The following ARHGEF10 variants were observed in gnomAD, a reference collection of about 807,000 sequenced individuals.
The protein encoded by ARHGEF10 is Rho guanine nucleotide exchange factor (GEF) 10.
In ARHGEF10, 140 loss-of-function variants were observed where a neutral mutation model predicts 147.4. The observed-to-expected ratio is 0.95, with a 90% CI of 0.83 to 1.09. The LOEUF is 1.09. Ranked by LOEUF, ARHGEF10 falls within the 50% of genes least tolerant of loss-of-function variation. The pLI is 0.00. For missense variants in ARHGEF10, 2,222 were observed against 1,752.7 expected, an observed-to-expected ratio of 1.27 and a Z score of -4.78; for synonymous variants, 902 against 695.8, an observed-to-expected ratio of 1.30 and a Z score of -4.67.
intron 11 of ARHGEF10, 133 bp from the exon 12 acceptor site, chr8:1,893,436 A>G: frequency 1.5e-6 from 1 of 677,172 alleles, no homozygotes; most frequent in Non-Finnish European, 2.7e-6. Flanking sequence ...ATGTTATTTA[A>G]TTAGGCTACC....
intron 6 of ARHGEF10, among the ~76,000 whole-genome samples, chr8:1,866,853 A>G (rs1010322122): frequency 3.9e-5 from 6 of 152,136 alleles, no homozygotes; most frequent in Admixed American, 2.6e-4. Flanking sequence ...TCTTTCTAGC[A>G]CAGGCTTTAT....
chr8:1,831,836 T>G (rs1803130476), intron 1 of ARHGEF10, among the ~76,000 whole-genome samples: 1 of 152,226 alleles, frequency 6.6e-6, no homozygotes, highest in Admixed American at 6.5e-5. Flanking sequence ...CAGCTTTTTC[T>G]CATTCTCACC....
intron 26 of ARHGEF10, among the ~76,000 whole-genome samples, chr8:1,942,352 G>C (rs772439916): frequency 2.0e-5 from 3 of 151,572 alleles, no homozygotes; most frequent in Non-Finnish European, 2.9e-5. Flanking sequence ...AGGCACACGA[G>C]AAGATGGTCA....
intron 14 of ARHGEF10, among the ~76,000 whole-genome samples, chr8:1,897,359 G>A (rs1810063843): frequency 2.0e-5 from 3 of 152,066 alleles, no homozygotes; most frequent in Admixed American, 2.0e-4. Context: ...ACTCTGGACA[G>A]CTGTGAGCTC....
intron 22 of ARHGEF10, among the ~76,000 whole-genome samples, chr8:1,926,074 A>G (rs1056528302): frequency 2.0e-5 from 3 of 152,176 alleles, no homozygotes; most frequent in African/African-American, 7.2e-5. Context: ...GCTGTACTTG[A>G]TGCCTGCAGG....
At chr8:1,949,816 G>T (rs1814884897) in intron 27 of ARHGEF10, among the ~76,000 whole-genome samples, 1 of 148,230 alleles carries the variant, frequency 6.7e-6, no homozygotes, top group African/African-American at 2.5e-5. Context: ...TGGCCGGTGT[G>T]GCCCTGGCCT....
At position 1,882,473 on chromosome 8, in the gene ARHGEF10, T is replaced by A. The variant is rs1230875693; in HGVS notation, c.961-162T>A. ...TTTTTAAGGTCTGTTTTTTCCTTTT[T>A]TCCAACAAACAAAACCAAAACAAAA... On this transcript the variant is annotated intron_variant, in intron 9 of 28. Transcript: ENST00000349830. Among the ~76,000 whole-genome samples the A allele has an allele frequency of 2.6e-5, 4 of 152,296 alleles. No homozygotes were observed. The East Asian group carries it at 7.7e-4, about 29-fold the overall frequency.
chr8:1,887,781 G>A lies in ARHGEF10; in HGVS notation c.1182+2074G>A, dbSNP rs1808816447. 2.2e-5 allele frequency among the ~76,000 whole-genome samples: 3 copies of A among 134,614 alleles called. No individual in the cohort carries two copies. In the South Asian group the frequency reaches 7.8e-4, roughly 35 times the overall value. The allele number at this position is 134,614 out of a possible 152,430, so 88.3% of individuals were successfully genotyped here. A position where few individuals can be genotyped will look rare whatever the true frequency, so the allele number is the denominator to read the frequency against. ...CGGAGTGGGGTGAGGGTTGTGATGA[G>A]ACAGTGAGTGGAGTAAGGGTTGTGG... On this transcript the variant is annotated intron_variant, in intron 11 of 28. Transcript: ENST00000349830.
At chr8:1,877,424 C>A (rs1807801877) in intron 8 of ARHGEF10, among the ~76,000 whole-genome samples, 1 of 152,136 alleles carries the variant, frequency 6.6e-6, no homozygotes, top group Admixed American at 6.5e-5. Context: ...GATGGGGTTT[C>A]CCTATGTTGG....
intron 10 of ARHGEF10, among the ~76,000 whole-genome samples, 159 bp downstream of exon 10, chr8:1,882,908 C>T (rs1268684464): frequency 6.6e-6 from 1 of 152,212 alleles, no homozygotes; most frequent in East Asian, 1.9e-4. Flanking sequence ...GCCCTGCTGA[C>T]CCCAGCCTCC....
chr8:1,866,415 A>G (rs1272485149), intron 5 of ARHGEF10, 111 bp from the exon 6 acceptor site: 1 of 835,324 alleles, frequency 1.2e-6, no homozygotes, highest in Admixed American at 1.9e-5. Flanking sequence ...ATATATATAT[A>G]TATTCTGACA....
chr8:1,879,553 C>T lies in ARHGEF10; in HGVS notation c.844-495C>T, dbSNP rs1367805453. Among the ~76,000 whole-genome samples, 3 of 141,058 alleles carry T rather than the reference C, an allele frequency of 2.1e-5. No individual in the cohort carries two copies. In the East Asian group the frequency reaches 6.3e-4, roughly 30 times the overall value. The allele number at this position is 141,058 out of a possible 152,430, so 92.5% of individuals were successfully genotyped here. A position where few individuals can be genotyped will look rare whatever the true frequency, so the allele number is the denominator to read the frequency against. ...ATGTTTAGCTCATTTCTGCATTTAT[C>T]TCTCTTTTTTTTTTTTGGAGACAGG... On this transcript the variant is annotated intron_variant, in intron 8 of 28. Coordinates refer to ENST00000349830, the MANE Select transcript of ARHGEF10 (RefSeq NM_014629.4).
At chr8:1,899,547 A>C (rs1810291530) in intron 15 of ARHGEF10, among the ~76,000 whole-genome samples, 1 of 152,198 alleles carries the variant, frequency 6.6e-6, no homozygotes, top group South Asian at 2.1e-4. Context: ...TTTTAAATAA[A>C]TGTAGTCATC....
At chr8:1,926,698 C>T (rs1812720852) in intron 23 of ARHGEF10, 1 of 583,230 alleles carries the variant, frequency 1.7e-6, no homozygotes, top group Non-Finnish European at 3.1e-6. Flanking sequence ...AAAACATTTA[C>T]CAGATAAAGT....
At chr8:1,848,427 T>G (rs1244038642) in intron 2 of ARHGEF10, among the ~76,000 whole-genome samples, 1 of 152,226 alleles carries the variant, frequency 6.6e-6, no homozygotes, top group African/African-American at 2.4e-5. Context: ...GACTCTGTAC[T>G]TAGCATTTCT....
chr8:1,825,454 C>T (rs527353580), intron 1 of ARHGEF10, among the ~76,000 whole-genome samples: 1 of 135,186 alleles, frequency 7.4e-6, no homozygotes, highest in South Asian at 2.6e-4. Flanking sequence ...CTACACCTCA[C>T]CTGTTTACCC....
At chr8:1,836,204 A>G (rs1803571626) in intron 1 of ARHGEF10, among the ~76,000 whole-genome samples, 2 of 151,758 alleles carry the variant, frequency 1.3e-5, no homozygotes, top group Admixed American at 6.6e-5. Context: ...AGAAAAAAAA[A>G]AACACAATCC....
At position 1,865,212 on chromosome 8, in the gene ARHGEF10, C is replaced by G. The variant is rs186808044; in HGVS notation, c.545+776C>G. Among the ~76,000 whole-genome samples the G allele has an allele frequency of 3.1e-3, 473 of 152,332 alleles. 1 individual carries two copies. The highest frequency in any genetic ancestry group is 4.8e-3 in the Non-Finnish European group (328 of 68,014). ...TTGGTGATGTGATAAGTTCTCAGAG[C>G]AGGGGGCTGCATCCTAATTTCACAG... On this transcript the variant is annotated intron_variant, in intron 5 of 28. Transcript: ENST00000349830.
chr8:1,864,809 A>C (rs892827901), intron 5 of ARHGEF10, among the ~76,000 whole-genome samples: 2 of 152,228 alleles, frequency 1.3e-5, no homozygotes, highest in African/African-American at 4.8e-5. Context: ...TCTGGGGAGC[A>C]GCAGCCACTA....
Sources: gnomAD v4.1 joint callset for allele counts (sites outside exome capture counted in the v4.1 genomes callset) on GRCh38, gnomAD v4.1.1 for gene constraint, MANE v1.5 for transcripts, NCBI Gene and HGNC (gene_info 2026-07-23, HGNC 2026-07-21) for gene names.